Variants in SASS6 observed in about 807,000 individuals in gnomAD.
SASS6 encodes SAS-6 centriolar assembly protein.
Under a neutral mutation model 94.9 loss-of-function variants are expected in SASS6, and 59 were observed. The ratio of observed to expected loss-of-function variants is 0.62; its 90% CI spans 0.50 to 0.77. The LOEUF (loss-of-function observed/expected upper bound fraction) is 0.77. SASS6 is among the 30% of genes least tolerant of loss of function. The pLI, the probability that SASS6 is intolerant of heterozygous loss-of-function variation, is 0.00. For missense variants in SASS6, 698 were observed against 734.1 expected (o/e 0.95, Z 0.57); for synonymous variants, 264 against 270.0 (o/e 0.98, Z 0.22).
At chr1:100,127,190 T>C (rs542000893) in intron 1 of SASS6, among the ~76,000 whole-genome samples, 22 of 152,364 alleles carry the variant, frequency 1.4e-4, no homozygotes, top group African/African-American at 5.3e-4. Context: ...CTCAAACTAT[T>C]CTGCCAGAAT....
Position 100,083,704 on chromosome 1 carries a change from G to A in SASS6, c.*1624C>T, listed in dbSNP as rs952317256. 1 of 151,966 alleles carries A rather than the reference G, an allele frequency of 6.6e-6. No homozygotes were observed. The highest frequency in any genetic ancestry group is 1.5e-5 in the Non-Finnish European group (1 of 67,930). 9.4% of individuals were successfully genotyped at this position (151,966 alleles called of 1,614,324 possible). On this transcript the variant is annotated 3_prime_UTR_variant, in exon 17 of 17. Coordinates refer to ENST00000287482, the MANE Select transcript of SASS6 (RefSeq NM_194292.3). ...TGCAACTAAAAGTTTAGGAGGTAAA[G>A]AATTAGCACACTTGGAAGTCTGTAT... is the stretch of plus-strand genomic sequence containing the variant.
At chr1:100,128,432 G>A (rs1462380260) in intron 1 of SASS6, among the ~76,000 whole-genome samples, 4 of 152,126 alleles carry the variant, frequency 2.6e-5, no homozygotes, top group African/African-American at 7.2e-5. Context: ...CATAATCCTG[G>A]AAGAGTTATA....
At chr1:100,117,640 G>A (rs1451872959) in intron 7 of SASS6, among the ~76,000 whole-genome samples, 3 of 150,328 alleles carry the variant, frequency 2.0e-5, no homozygotes, top group Admixed American at 6.6e-5. Context: ...GCGACAGAGC[G>A]AGACTCCATC....
chr1:100,085,250 G>T lies in SASS6; in HGVS notation c.*78C>A. On this transcript the variant is annotated 3_prime_UTR_variant, in exon 17 of 17. Transcript: ENST00000287482. Reference sequence around the variant, plus strand: ...TAAAATTTGAAACTTGCTATTTGAGGATCTGGTTTGTGTTGACATATTTTT... The same window carrying T: ...TAAAATTTGAAACTTGCTATTTGAGTATCTGGTTTGTGTTGACATATTTTT... The T allele has an allele frequency of 1.1e-6, 1 of 881,070 alleles. No homozygotes were observed. The highest frequency in any genetic ancestry group is 1.9e-6 in the Non-Finnish European group (1 of 521,658). The allele number at this position is 881,070 out of a possible 1,614,324, so 54.6% of individuals were successfully genotyped here. A position where few individuals can be genotyped will look rare whatever the true frequency, so the allele number is the denominator to read the frequency against.
intron 6 of SASS6, among the ~76,000 whole-genome samples, chr1:100,119,807 A>C (rs890861698): frequency 6.6e-6 from 1 of 152,222 alleles, no homozygotes; most frequent in South Asian, 2.1e-4. Flanking sequence ...TCCCCACTAG[A>C]AGCCAAGCAG....
At chr1:100,089,740 T>C (rs1651549632) in intron 14 of SASS6, among the ~76,000 whole-genome samples, 1 of 152,076 alleles carries the variant, frequency 6.6e-6, no homozygotes. Context: ...TAAAAACCTG[T>C]ACTATAAGAG....
intron 6 of SASS6, 30 bp from the exon 7 acceptor site, chr1:100,119,167 G>A (rs753363056): frequency 7.1e-6 from 9 of 1,274,820 alleles, no homozygotes; most frequent in Non-Finnish European, 9.7e-6. Context: ...AAAATATTAA[G>A]ATAGGCTCCT....
In SASS6 at chr1:100,092,030, A is replaced by T. The variant is rs1048927239; in HGVS notation, c.1675-3794T>A. ...CTCAAAAAAAAAAAAAAAAAAAAAA[A>T]AAAAATTGAAGAAATAATGGCTGAA... On this transcript the variant is annotated intron_variant, in intron 14 of 16. Transcript: ENST00000287482. Among the ~76,000 whole-genome samples the T allele has an allele frequency of 1.5e-4, 23 of 150,564 alleles. No individual in the cohort carries two copies. The East Asian group carries it at 4.1e-3, about 27-fold the overall frequency.
At chr1:100,127,018 C>T (rs1654668209) in intron 1 of SASS6, among the ~76,000 whole-genome samples, 1 of 152,064 alleles carries the variant, frequency 6.6e-6, no homozygotes, top group South Asian at 2.1e-4. Flanking sequence ...AGGGAGAGAC[C>T]ACAGTGTTCC....
intron 15 of SASS6, among the ~76,000 whole-genome samples, chr1:100,085,837 TA>T (rs1651206304): frequency 6.6e-6 from 1 of 152,128 alleles, no homozygotes; most frequent in Non-Finnish European, 1.5e-5. Context: ...TAGATTATAA[TA>T]AAATTTTAAG....
chr1:100,121,065 A>AT, intron 5 of SASS6, among the ~76,000 whole-genome samples: 1 of 151,772 alleles, frequency 6.6e-6, no homozygotes, highest in East Asian at 1.9e-4. Flanking sequence ...AAAAAAAAAA[A>AT]AAAAAGATGG....
chr1:100,090,865 A>C (rs868862262), intron 14 of SASS6, among the ~76,000 whole-genome samples: 7 of 152,168 alleles, frequency 4.6e-5, no homozygotes, highest in Admixed American at 2.0e-4. Context: ...ATAAACTCTT[A>C]GGCTCACTTA....
At chr1:100,116,143 A>C (rs1315791276) in intron 7 of SASS6, among the ~76,000 whole-genome samples, 1 of 152,168 alleles carries the variant, frequency 6.6e-6, no homozygotes, top group East Asian at 1.9e-4. Flanking sequence ...GGCTGGGAGA[A>C]ATGTTTATAA....
intron 7 of SASS6, among the ~76,000 whole-genome samples, chr1:100,116,355 G>C (rs1199160019): frequency 6.6e-6 from 1 of 152,112 alleles, no homozygotes; most frequent in Non-Finnish European, 1.5e-5. Context: ...CTTGAAAAGA[G>C]AATATTCAAG....
chr1:100,096,573 A>T (rs958444197), intron 14 of SASS6, among the ~76,000 whole-genome samples: 1 of 152,244 alleles, frequency 6.6e-6, no homozygotes, highest in Non-Finnish European at 1.5e-5. Flanking sequence ...TTTGTATTTC[A>T]AAAGACACAT....
chr1:100,102,638 A>G (rs1227768910), intron 14 of SASS6, among the ~76,000 whole-genome samples: 2 of 146,750 alleles, frequency 1.4e-5, no homozygotes, highest in African/African-American at 2.6e-5. Flanking sequence ...AGATTACACC[A>G]CTGCACTCCA....
At chr1:100,112,768 C>T (rs1178569439) in intron 7 of SASS6, among the ~76,000 whole-genome samples, 1 of 152,162 alleles carries the variant, frequency 6.6e-6, no homozygotes, top group Non-Finnish European at 1.5e-5. Context: ...TATCAAAGTA[C>T]GGTCCTCTGA....
intron 7 of SASS6, among the ~76,000 whole-genome samples, chr1:100,111,220 A>G (rs72973333): frequency 0.033 from 5,022 of 152,098 alleles, 301 homozygotes; most frequent in African/African-American, 0.11. Context: ...CACTCCTAAT[A>G]TTTAGGAGTA....
At chr1:100,086,458 C>CA (rs1296464660) in intron 15 of SASS6, among the ~76,000 whole-genome samples, 1 of 151,366 alleles carries the variant, frequency 6.6e-6, no homozygotes, top group East Asian at 1.9e-4. Context: ...CTTCATACTA[C>CA]AAATACGATT....
Sources: gnomAD v4.1 joint callset for allele counts (sites outside exome capture counted in the v4.1 genomes callset) on GRCh38, gnomAD v4.1.1 for gene constraint, MANE v1.5 for transcripts, NCBI Gene and HGNC (gene_info 2026-07-23, HGNC 2026-07-21) for gene names.